The following NPEPPS variants were observed in gnomAD, a reference collection of about 807,000 sequenced individuals.
NPEPPS encodes puromycin-sensitive aminopeptidase.
In NPEPPS, 14 loss-of-function variants were observed where a neutral mutation model predicts 115.5. That is an observed-to-expected ratio of 0.12 (90% CI 0.08 to 0.19). The LOEUF (loss-of-function observed/expected upper bound fraction) is 0.19, where lower values mean the gene tolerates loss of function less well. Ranked by LOEUF, NPEPPS falls within the 10% of genes least tolerant of loss-of-function variation. The pLI, the probability that NPEPPS is intolerant of heterozygous loss-of-function variation, is 1.00. For missense variants in NPEPPS, 523 were observed against 1,110.8 expected, an observed-to-expected ratio of 0.47 and a Z score of 7.52; for synonymous variants, 285 against 390.6, an observed-to-expected ratio of 0.73 and a Z score of 3.19.
rs79132888 is a variant in NPEPPS at position 47,538,458 on chromosome 17, C to A, written c.255+6903C>A. 3.7e-3 allele frequency among the ~76,000 whole-genome samples: 558 copies of A among 151,324 alleles called. 13 individuals are homozygous for A. In the East Asian group the frequency reaches 0.042, roughly 11 times the overall value. On this transcript the variant is annotated intron_variant, in intron 1 of 22. Coordinates refer to ENST00000322157, the MANE Select transcript of NPEPPS (RefSeq NM_006310.4). ...CAAACACCCGACCTCAGGTGATCCG[C>A]CTGCCTCTGCCTCCTAAAGTGCTGG...
Position 47,574,420 on chromosome 17 carries a change from A to G in NPEPPS, c.418+4926A>G, listed in dbSNP as rs571370982. On this transcript the variant is annotated intron_variant, in intron 3 of 22. Coordinates refer to ENST00000322157, the MANE Select transcript of NPEPPS (RefSeq NM_006310.4). ...TTAAATTTAAAAAGTTAAACATTCT[A>G]TATTTATCAAAAGGAATCAGTTTAT... Among the ~76,000 whole-genome samples, 1,295 of 152,242 alleles carry G rather than the reference A, an allele frequency of 8.5e-3. 14 individuals carry two copies. The highest frequency in any genetic ancestry group is 0.029 in the African/African-American group (1,222 of 41,538).
chr17:47,589,562 G>C (rs1455929100), intron 9 of NPEPPS, among the ~76,000 whole-genome samples: 2 of 152,082 alleles, frequency 1.3e-5, no homozygotes, highest in Non-Finnish European at 2.9e-5. Flanking sequence ...ATTGTGCCTG[G>C]CCTGCTTTCT....
At chr17:47,528,103 A>G (rs1279203670), upstream of NPEPPS, among the ~76,000 whole-genome samples, 1 of 151,218 alleles carries the variant, frequency 6.6e-6, no homozygotes, top group Non-Finnish European at 1.5e-5. Flanking sequence ...GGAGTTTGAG[A>G]CCAGCCTGGC....
At chr17:47,558,920 C>A (rs891139949) in intron 2 of NPEPPS, among the ~76,000 whole-genome samples, 1 of 152,000 alleles carries the variant, frequency 6.6e-6, no homozygotes, top group African/African-American at 2.4e-5. Context: ...TGTAGTCCCC[C>A]CTACCTGAGA....
At chr17:47,594,399 ATTCTT>A (rs1383532420) in intron 12 of NPEPPS, among the ~76,000 whole-genome samples, 1 of 141,552 alleles carries the variant, frequency 7.1e-6, no homozygotes, top group Non-Finnish European at 1.5e-5. Flanking sequence ...TAACTTTTTG[ATTCTT>A]TTCAATTCTT....
chr17:47,564,107 A>G (rs1197993182), intron 2 of NPEPPS, among the ~76,000 whole-genome samples: 3 of 151,582 alleles, frequency 2.0e-5, no homozygotes, highest in Non-Finnish European at 4.4e-5. Flanking sequence ...TAATTTTTGT[A>G]TGTTTAGTTT....
intron 3 of NPEPPS, among the ~76,000 whole-genome samples, chr17:47,575,597 T>A (rs1056248306): frequency 6.8e-6 from 1 of 148,142 alleles, no homozygotes; most frequent in Admixed American, 6.8e-5. Context: ...ATTATTATTA[T>A]TATTATTATT....
At chr17:47,580,303 A>G (rs1911795555) in intron 4 of NPEPPS, 2 of 152,098 alleles carry the variant, frequency 1.3e-5, no homozygotes, top group Non-Finnish European at 2.9e-5. Context: ...TTTGCCACAG[A>G]TATTTAGGTT....
intron 2 of NPEPPS, among the ~76,000 whole-genome samples, chr17:47,565,948 GA>G (rs1312355801): frequency 6.6e-6 from 1 of 152,124 alleles, no homozygotes; most frequent in Non-Finnish European, 1.5e-5. Context: ...AATAGTAAAA[GA>G]GGCACCACCA....
intron 17 of NPEPPS, among the ~76,000 whole-genome samples, chr17:47,610,977 C>T (rs898361739): frequency 7.4e-5 from 11 of 149,168 alleles, no homozygotes; most frequent in African/African-American, 2.7e-4. Flanking sequence ...CCTCAGCCTT[C>T]TGAGTAGCTG....
At chr17:47,595,891 A>G (rs1340051763) in intron 12 of NPEPPS, among the ~76,000 whole-genome samples, 1 of 149,334 alleles carries the variant, frequency 6.7e-6, no homozygotes, top group East Asian at 2.0e-4. Context: ...CTGAAGCAGG[A>G]GAATTGCTTG....
chr17:47,561,373 T>TG (rs1396836656), intron 2 of NPEPPS, among the ~76,000 whole-genome samples: 28 of 148,274 alleles, frequency 1.9e-4, no homozygotes, highest in Middle Eastern at 3.6e-3. Flanking sequence ...AAAAAAAGAT[T>TG]GGGGGGGTGC....
chr17:47,604,042 TCTC>T lies in NPEPPS; in HGVS notation c.1871_1873del (p.Ser624del). 1 of 1,609,594 alleles carries T rather than the reference TCTC, an allele frequency of 6.2e-7. No homozygotes were observed. Among genetic ancestry groups the T allele is most frequent in the Non-Finnish European group, 8.5e-7 (1 of 1,177,010 alleles). On this transcript the variant is annotated inframe_deletion, in exon 16 of 23. Transcript: ENST00000322157. Reference sequence around the variant, plus strand: ...CGACTTGGATTACAGAATGACCTCTTCTCCTTGGTGAGCATCTGTGACTTAAGT... The same window carrying T: ...CGACTTGGATTACAGAATGACCTCTTCTTGGTGAGCATCTGTGACTTAAGT...
intron 1 of NPEPPS, among the ~76,000 whole-genome samples, chr17:47,542,990 A>G (rs1044820352): frequency 2.0e-5 from 3 of 151,828 alleles, no homozygotes; most frequent in African/African-American, 7.3e-5. Context: ...TACAAAAATT[A>G]GATGGGTGTG....
rs1040916597 is a variant in NPEPPS at position 47,602,342 on chromosome 17, C to T, written c.1740+595C>T. Among the ~76,000 whole-genome samples, 9 of 151,570 alleles carry T rather than the reference C, an allele frequency of 5.9e-5. No individual in the cohort carries two copies. The South Asian group carries it at 6.2e-4, about 10-fold the overall frequency. On this transcript the variant is annotated intron_variant, in intron 15 of 22. Transcript: ENST00000322157. Reference sequence around the variant, plus strand: ...TTGTGCTTTTTTTTAAAAAAAAGCCCGCCGAACGCTGTGGTAGCACTTTGG... The same window carrying T: ...TTGTGCTTTTTTTTAAAAAAAAGCCTGCCGAACGCTGTGGTAGCACTTTGG...
rs1230486706 is a variant in NPEPPS at position 47,524,222 on chromosome 17, G to A, written c.77+1159G>A. Among the ~76,000 whole-genome samples, 5 of 151,714 alleles carry A rather than the reference G, an allele frequency of 3.3e-5. No individual in the cohort carries two copies. The South Asian group carries it at 6.2e-4, about 19-fold the overall frequency. On this transcript the variant is annotated intron_variant, in intron 1 of 5. Transcript: ENST00000525007. ...CTTGGGAGGCTGAGGCAGGAAAATC[G>A]CTTGAACCCCCGGGAGGCGGAGGTT...
chr17:47,546,073 T>TGA (rs1555603845), intron 2 of NPEPPS, 80 bp downstream of exon 2: 562 of 1,262,538 alleles, frequency 4.5e-4, no homozygotes, highest in Middle Eastern at 8.5e-4. Context: ...TGTGTGTGTG[T>TGA]GAGAGAGAGA....
intron 14 of NPEPPS, among the ~76,000 whole-genome samples, chr17:47,600,652 G>A (rs1913138557): frequency 6.6e-6 from 1 of 152,200 alleles, no homozygotes; most frequent in African/African-American, 2.4e-5. Flanking sequence ...ATAGCATAAA[G>A]CTATGTAATT....
chr17:47,574,690 A>C (rs1454512706), intron 3 of NPEPPS, among the ~76,000 whole-genome samples: 24 of 152,118 alleles, frequency 1.6e-4, no homozygotes, highest in Admixed American at 1.6e-3. Flanking sequence ...TCCTGGGTTT[A>C]AGTGATTCTC....
Sources: gnomAD v4.1 joint callset for allele counts (sites outside exome capture counted in the v4.1 genomes callset) on GRCh38, gnomAD v4.1.1 for gene constraint, MANE v1.5 for transcripts, NCBI Gene and HGNC (gene_info 2026-07-23, HGNC 2026-07-21) for gene names.